PLPP4: variants seen among roughly 807,000 people sequenced by gnomAD.
The protein encoded by PLPP4 is phospholipid phosphatase 4.
Under a neutral mutation model 32.2 loss-of-function variants are expected in PLPP4, and 20 were observed. The ratio of observed to expected loss-of-function variants is 0.62; its 90% CI spans 0.44 to 0.90. The LOEUF is 0.90. Among genes scored for constraint, PLPP4 ranks in the 40% least tolerant of loss-of-function variants. The probability of loss-of-function intolerance (pLI) is 0.00; values close to 1 mark genes in which losing one functional copy is unlikely to be tolerated. For synonymous variants in PLPP4, 127 were observed against 133.0 expected, an observed-to-expected ratio of 0.95 and a Z score of 0.31; for missense variants, 257 against 353.1, an observed-to-expected ratio of 0.73 and a Z score of 2.18.
At chr10:120,494,738 T>C (rs1415748424) in intron 1 of PLPP4, among the ~76,000 whole-genome samples, 1 of 152,202 alleles carries the variant, frequency 6.6e-6, no homozygotes, top group Non-Finnish European at 1.5e-5. Flanking sequence ...ACAAGAGAGT[T>C]GGTAGGAGCA....
intron 1 of PLPP4, among the ~76,000 whole-genome samples, chr10:120,482,386 T>G (rs1234451416): frequency 2.6e-5 from 4 of 152,190 alleles, no homozygotes; most frequent in Non-Finnish European, 5.9e-5. Context: ...CAAAGATGAC[T>G]CTTGTTATAT....
intron 5 of PLPP4, among the ~76,000 whole-genome samples, chr10:120,546,460 T>C (rs1194788931): frequency 6.6e-6 from 1 of 152,148 alleles, no homozygotes; most frequent in Non-Finnish European, 1.5e-5. Flanking sequence ...ATCAATTCCT[T>C]TAATAACTCG....
rs1193900338 is a variant in PLPP4 at position 120,513,360 on chromosome 10, C to T, written c.166-551C>T. ...CTGCATCTGAATCCCACCAGTTTAA[C>T]TCATTAAGTCTGAGTTGAGCATCTA... On this transcript the variant is annotated intron_variant, in intron 2 of 6. Coordinates refer to ENST00000398250, the MANE Select transcript of PLPP4 (RefSeq NM_001030059.3). Among the ~76,000 whole-genome samples the T allele has an allele frequency of 3.9e-5, 6 of 152,268 alleles. No homozygotes were observed. The East Asian group carries it at 7.7e-4, about 20-fold the overall frequency.
intron 1 of PLPP4, among the ~76,000 whole-genome samples, chr10:120,500,950 A>G (rs961685395): frequency 2.0e-5 from 3 of 152,170 alleles, no homozygotes; most frequent in Admixed American, 6.5e-5. Context: ...GCAACTAGTC[A>G]TCTCCAGTAT....
chr10:120,522,680 T>C (rs1846206536), intron 5 of PLPP4, among the ~76,000 whole-genome samples: 1 of 152,192 alleles, frequency 6.6e-6, no homozygotes, highest in African/African-American at 2.4e-5. Flanking sequence ...AACGTGTGAG[T>C]GTGAACCTTA....
rs12413625 is a variant in PLPP4 at position 120,543,352 on chromosome 10, T to G, written c.445+22257T>G. Among the ~76,000 whole-genome samples, 1,319 of 152,324 alleles carry G rather than the reference T, an allele frequency of 8.7e-3. 71 individuals carry two copies. The highest frequency in any genetic ancestry group is 0.08 in the Admixed American group (1,224 of 15,304). ...ACCTTGCAGCTGCCTGTCTCAGGGT[T>G]CCCTGCTGTTATGGTTGGCCTGTTA... On this transcript the variant is annotated intron_variant, in intron 5 of 6. Coordinates refer to ENST00000398250, the MANE Select transcript of PLPP4 (RefSeq NM_001030059.3).
intron 1 of PLPP4, among the ~76,000 whole-genome samples, chr10:120,463,817 T>A (rs576720021): frequency 6.7e-6 from 1 of 150,164 alleles, no homozygotes; most frequent in East Asian, 2.0e-4. Flanking sequence ...CAGAGGATTC[T>A]TTTTTTTTGT....
At chr10:120,498,654 C>CTTTTTTT (rs11287636) in intron 1 of PLPP4, among the ~76,000 whole-genome samples, 3 of 143,412 alleles carry the variant, frequency 2.1e-5, no homozygotes, top group Non-Finnish European at 3.0e-5. Context: ...CTCTTCTATT[C>CTTTTTTT]TTTTTTTTTT....
At chr10:120,581,052 T>C (rs1849485660) in intron 6 of PLPP4, 1 of 1,286,132 alleles carries the variant, frequency 7.8e-7, no homozygotes, top group Middle Eastern at 2.2e-4. Flanking sequence ...AGCCCCTGGC[T>C]CACCCCTCCC....
intron 3 of PLPP4, among the ~76,000 whole-genome samples, chr10:120,514,262 T>C (rs1248421034): frequency 6.6e-6 from 1 of 152,208 alleles, no homozygotes; most frequent in Non-Finnish European, 1.5e-5. Flanking sequence ...CAGAGAGCTG[T>C]GCTGCTCAGG....
rs1485206610 is a variant in PLPP4, at chr10:120,558,019, AAAT to A, written c.446-17104_446-17102del. ...TGGCTTAAATATTATATTTACTATTAAATAATAATATTAATAAATATTAAGTAA... is the reference window on the plus strand; with the variant it reads ...TGGCTTAAATATTATATTTACTATTAAATAATATTAATAAATATTAAGTAA... On this transcript the variant is annotated intron_variant, in intron 5 of 6. Coordinates refer to ENST00000398250, the MANE Select transcript of PLPP4 (RefSeq NM_001030059.3). Among the ~76,000 whole-genome samples, 11 of 151,052 alleles carry A rather than the reference AAAT, an allele frequency of 7.3e-5. No individual in the cohort carries two copies. The East Asian group carries it at 1.5e-3, about 21-fold the overall frequency.
Position 120,589,517 on chromosome 10 carries a change from G to T in PLPP4, c.*15G>T. On this transcript the variant is annotated 3_prime_UTR_variant, in exon 7 of 7. Transcript: ENST00000398250. Reference sequence around the variant, plus strand: ...GCCCGGTATGACCAGTGTCCTGGGAGGATGGACACTAAGCCCTGGGCACAT... The same window carrying T: ...GCCCGGTATGACCAGTGTCCTGGGATGATGGACACTAAGCCCTGGGCACAT... 6.2e-7 allele frequency: 1 copy of T among 1,604,542 alleles called. No homozygotes were observed. The highest frequency in any genetic ancestry group is 1.1e-5 in the South Asian group (1 of 90,656).
At chr10:120,567,857 A>G (rs1425804983) in intron 5 of PLPP4, among the ~76,000 whole-genome samples, 3 of 152,246 alleles carry the variant, frequency 2.0e-5, no homozygotes, top group Non-Finnish European at 4.4e-5. Context: ...GGCATAAGTA[A>G]TGGAAAGACA....
chr10:120,559,344 G>A (rs2081439392), intron 5 of PLPP4, among the ~76,000 whole-genome samples: 1 of 150,742 alleles, frequency 6.6e-6, no homozygotes, highest in Non-Finnish European at 1.5e-5. Flanking sequence ...GGAGATGTTT[G>A]TGTATTTATT....
intron 5 of PLPP4, among the ~76,000 whole-genome samples, chr10:120,540,056 A>T (rs1327451467): frequency 6.6e-6 from 1 of 151,984 alleles, no homozygotes; most frequent in Non-Finnish European, 1.5e-5. Flanking sequence ...TTTTGGTCAA[A>T]TCTTCAAATA....
At chr10:120,524,877 C>T (rs1162151827) in intron 5 of PLPP4, among the ~76,000 whole-genome samples, 4 of 152,130 alleles carry the variant, frequency 2.6e-5, no homozygotes, top group East Asian at 1.9e-4. Context: ...TCTCTCAGAG[C>T]GTAATCCCGA....
At chr10:120,507,388 T>TATC (rs974179112) in intron 2 of PLPP4, among the ~76,000 whole-genome samples, 1 of 129,580 alleles carries the variant, frequency 7.7e-6, no homozygotes, top group Non-Finnish European at 1.7e-5. Context: ...TCATCATCAT[T>TATC]ATCATCATCA....
intron 2 of PLPP4, among the ~76,000 whole-genome samples, chr10:120,504,497 G>A (rs74159419): frequency 0.056 from 8,522 of 152,310 alleles, 371 homozygotes; most frequent in Middle Eastern, 0.14. Flanking sequence ...GATTTGCCTC[G>A]GCCTGTCTAG....
At chr10:120,514,542 T>G (rs1845861034) in intron 3 of PLPP4, among the ~76,000 whole-genome samples, 1 of 152,178 alleles carries the variant, frequency 6.6e-6, no homozygotes. Context: ...ATGTGAAGAG[T>G]GCTATGATCT....
Sources: gnomAD v4.1 joint callset for allele counts (sites outside exome capture counted in the v4.1 genomes callset) on GRCh38, gnomAD v4.1.1 for gene constraint, MANE v1.5 for transcripts, NCBI Gene and HGNC (gene_info 2026-07-23, HGNC 2026-07-21) for gene names.